The following FRK variants were observed in gnomAD, a reference collection of about 807,000 sequenced individuals.
FRK encodes the protein fyn related Src family tyrosine kinase.
Under a neutral mutation model 56.4 loss-of-function variants are expected in FRK, and 51 were observed. The observed-to-expected ratio is 0.90, with a 90% CI of 0.72 to 1.14. The LOEUF is 1.14. Among genes scored for constraint, FRK ranks in the 50% most tolerant of loss-of-function variants. FRK has a pLI of 0.00. For missense variants in FRK, 570 were observed against 601.4 expected, an observed-to-expected ratio of 0.95 and a Z score of 0.55; for synonymous variants, 245 against 217.9, an observed-to-expected ratio of 1.12 and a Z score of -1.10.
rs756352485 is a variant in FRK at position 115,967,546 on chromosome 6, C to A, written c.799+5G>T. 1.2e-6 allele frequency: 2 copies of A among 1,611,980 alleles called. No homozygotes were observed. The highest frequency in any genetic ancestry group is 3.3e-5 in the Admixed American group (2 of 59,764). Reference sequence around the variant, plus strand: ...TATGCCATTTAACCTTTATTGTTCTCGCACCTGGTTTTAATGTTTTCACTG... The same window carrying A: ...TATGCCATTTAACCTTTATTGTTCTAGCACCTGGTTTTAATGTTTTCACTG... On this transcript the variant is annotated splice_donor_5th_base_variant and intron_variant, in intron 4 of 7. Transcript: ENST00000606080.
chr6:116,060,460 C>T lies in FRK; in HGVS notation c.-149G>A. On this transcript the variant is annotated 5_prime_UTR_variant, in exon 1 of 8. Coordinates refer to ENST00000606080, the MANE Select transcript of FRK (RefSeq NM_002031.3). ...ATGCAAAGTCCCGTTTCAGATCAGT[C>T]CAGCAGCTGGGTTGCAGCAAGTCCT... 1 of 637,470 alleles carries T rather than the reference C, an allele frequency of 1.6e-6. No individual in the cohort carries two copies. The highest frequency in any genetic ancestry group is 2.7e-6 in the Non-Finnish European group (1 of 371,000). The allele number at this position is 637,470 out of a possible 1,614,324, so 39.5% of individuals were successfully genotyped here. A position where few individuals can be genotyped will look rare whatever the true frequency, so the allele number is the denominator to read the frequency against.
chr6:116,076,229 ATTT>A, the FRK span, among the ~76,000 whole-genome samples: 11 of 152,132 alleles, frequency 7.2e-5, no homozygotes, highest in African/African-American at 2.7e-4. Flanking sequence ...GAAATTATTC[ATTT>A]TTTTCTTACA....
chr6:115,996,051 G>A (rs1774826826), intron 2 of FRK, among the ~76,000 whole-genome samples: 1 of 152,110 alleles, frequency 6.6e-6, no homozygotes, highest in African/African-American at 2.4e-5. Flanking sequence ...TGCAGCATGT[G>A]CACTTTTTAA....
chr6:116,003,076 G>C (rs1201189144), intron 2 of FRK, among the ~76,000 whole-genome samples: 1 of 152,076 alleles, frequency 6.6e-6, no homozygotes, highest in Non-Finnish European at 1.5e-5. Flanking sequence ...AGGAATAGAG[G>C]GAAGCAAAGC....
intron 5 of FRK, among the ~76,000 whole-genome samples, chr6:115,944,658 G>T (rs1358100869): frequency 6.6e-6 from 1 of 152,096 alleles, no homozygotes; most frequent in South Asian, 2.1e-4. Flanking sequence ...GTCATCACAT[G>T]ATCCAAACGT....
At chr6:116,039,587 T>G in intron 1 of FRK, 1 of 795,722 alleles carries the variant, frequency 1.3e-6, no homozygotes, top group Non-Finnish European at 2.3e-6. Flanking sequence ...ATGTTTCTGA[T>G]GGTGTCATCT....
In FRK at chr6:115,936,360, G is replaced by C. The variant is rs1039033907; in HGVS notation, c.*6054C>G. 2.0e-5 allele frequency: 3 copies of C among 152,244 alleles called. No individual in the cohort carries two copies. Among genetic ancestry groups the C allele is most frequent in the Admixed American group, 2.0e-4 (3 of 15,282 alleles). The allele number at this position is 152,244 out of a possible 1,614,324, so 9.4% of individuals were successfully genotyped here. A position where few individuals can be genotyped will look rare whatever the true frequency, so the allele number is the denominator to read the frequency against. ...GACCAAAAGTAGATAAATCCAGGAA[G>C]ATGAGGAGAAACCAGCGCAAAACAG... On this transcript the variant is annotated 3_prime_UTR_variant, in exon 8 of 8. Transcript: ENST00000606080.
the FRK span, among the ~76,000 whole-genome samples, chr6:116,072,814 A>G: frequency 6.6e-6 from 1 of 152,256 alleles, no homozygotes; most frequent in African/African-American, 2.4e-5. Flanking sequence ...TAACCTAGAT[A>G]AGGTGAGATA....
At chr6:116,098,331 G>A in the FRK span, among the ~76,000 whole-genome samples, 1 of 151,916 alleles carries the variant, frequency 6.6e-6, no homozygotes. Context: ...AGCTGGTCTT[G>A]AACTCCTTAC....
At chr6:115,958,768 A>AGAGAAAGAAAGAG (rs1773193815) in intron 4 of FRK, among the ~76,000 whole-genome samples, 1 of 80,700 alleles carries the variant, frequency 1.2e-5, no homozygotes, top group African/African-American at 5.3e-5. Context: ...AGAAAGAAAG[A>AGAGAAAGAAAGAG]GGGGGGGGAA....
intron 1 of FRK, among the ~76,000 whole-genome samples, chr6:116,009,300 A>G (rs1775378667): frequency 6.6e-6 from 1 of 152,174 alleles, no homozygotes; most frequent in African/African-American, 2.4e-5. Context: ...TTAGGCTAAT[A>G]CTTGTTAGAA....
At chr6:116,091,165 T>C in the FRK span, among the ~76,000 whole-genome samples, 2 of 152,156 alleles carry the variant, frequency 1.3e-5, no homozygotes, top group South Asian at 4.1e-4. Flanking sequence ...AGCTAAAGGA[T>C]TGTAAATGTA....
intron 1 of FRK, among the ~76,000 whole-genome samples, chr6:116,012,390 C>G (rs753157536): frequency 1.3e-5 from 2 of 152,220 alleles, no homozygotes; most frequent in Non-Finnish European, 2.9e-5. Flanking sequence ...GCTATCACTA[C>G]TTATACTGGC....
chr6:116,071,336 A>G, the FRK span, among the ~76,000 whole-genome samples: 2 of 152,184 alleles, frequency 1.3e-5, no homozygotes, highest in African/African-American at 4.8e-5. Context: ...TTGACTGTAC[A>G]CATTTTCACA....
Position 115,992,876 on chromosome 6 carries a change from C to A in FRK, c.466+11001G>T, listed in dbSNP as rs1212100077. ...GAGCTATTGAAGGCTTTTGACTCTT[C>A]TAAATAAAAGAGAATGAGATACAAT... On this transcript the variant is annotated intron_variant, in intron 2 of 7. Transcript: ENST00000606080. Among the ~76,000 whole-genome samples the A allele has an allele frequency of 2.0e-5, 3 of 151,668 alleles. No individual in the cohort carries two copies. In the East Asian group the frequency reaches 5.8e-4, roughly 29 times the overall value.
the FRK span, among the ~76,000 whole-genome samples, chr6:116,078,059 C>T: frequency 1.3e-5 from 2 of 152,176 alleles, no homozygotes; most frequent in Non-Finnish European, 2.9e-5. Flanking sequence ...ACTCTGGAGG[C>T]TGAGGCAGGA....
intron 1 of FRK, among the ~76,000 whole-genome samples, chr6:116,054,514 CTATATAT>C (rs1446460684): frequency 2.8e-5 from 4 of 140,554 alleles, no homozygotes; most frequent in Middle Eastern, 3.8e-3. Flanking sequence ...TAATATTATA[CTATATAT>C]TATATATTAT....
rs1053828817 is a variant in FRK at position 115,983,840 on chromosome 6, C to A, written c.467-15101G>T. Among the ~76,000 whole-genome samples the A allele has an allele frequency of 3.3e-5, 5 of 152,214 alleles. No homozygotes were observed. In the East Asian group the frequency reaches 9.7e-4, roughly 29 times the overall value. On this transcript the variant is annotated intron_variant, in intron 2 of 7. Transcript: ENST00000606080. ...TCACCAACATCATCTTTCTAAAATG[C>A]AAATCTGACCTTGTTACTGTCCCCT...
At chr6:115,998,219 C>T (rs893463485) in intron 2 of FRK, among the ~76,000 whole-genome samples, 1 of 152,154 alleles carries the variant, frequency 6.6e-6, no homozygotes, top group African/African-American at 2.4e-5. Context: ...CTAGTGATTC[C>T]ACCGTGTGTG....
Sources: gnomAD v4.1 joint callset for allele counts (sites outside exome capture counted in the v4.1 genomes callset) on GRCh38, gnomAD v4.1.1 for gene constraint, MANE v1.5 for transcripts, NCBI Gene and HGNC (gene_info 2026-07-23, HGNC 2026-07-21) for gene names.